The following VWDE variants were observed in gnomAD, a reference collection of about 807,000 sequenced individuals.
The protein encoded by VWDE is von Willebrand factor D and EGF domains, also known as von Willebrand factor D and EGF domain-containing protein.
VWDE carries 207 observed loss-of-function variants against 178.4 expected under a neutral mutation model. The ratio of observed to expected loss-of-function variants is 1.16; its 90% CI spans 1.04 to 1.30. The LOEUF (loss-of-function observed/expected upper bound fraction) is 1.30. Ranked by LOEUF, VWDE falls within the 50% of genes most tolerant of loss-of-function variation. The pLI, the probability that VWDE is intolerant of heterozygous loss-of-function variation, is 0.00. For synonymous variants in VWDE, 738 were observed against 651.4 expected (o/e 1.13, Z -2.02); for missense variants, 2,287 against 1,901.3 (o/e 1.20, Z -3.77).
At position 12,379,528 on chromosome 7, in the gene VWDE, A is replaced by C. The variant is rs546466231; in HGVS notation, c.828T>G (p.Pro276=). 33 of 1,550,820 alleles carry C rather than the reference A, an allele frequency of 2.1e-5. No individual in the cohort carries two copies. In the African/African-American group the frequency reaches 3.6e-4, roughly 17 times the overall value. The change falls in exon 6 of 29, where the codon CCT becomes CCG. Residue 276 remains proline, a synonymous_variant. Coordinates refer to ENST00000275358, the MANE Select transcript of VWDE (RefSeq NM_001135924.3). ...TTTCGATGGCTACACTTTGTACATG[A>C]GGATTCTCCAAGAAAAAGACAGAAG... The part of the protein sequence containing the change: ...CSASVFFLEN[P]HVQSVAIESQ...
Position 12,389,297 on chromosome 7 carries a change from G to A in VWDE, c.305C>T (p.Pro102Leu). The A allele has an allele frequency of 6.4e-7, 1 of 1,551,540 alleles. No homozygotes were observed. The change falls in exon 3 of 29, where the codon CCA (proline) becomes CTA (leucine). Residue 102 changes from proline to leucine, a missense_variant. Pro to Leu is a moderately conservative substitution (Grantham distance 98, BLOSUM62 -3). Transcript: ENST00000275358. ...CAATTGCTTGATCTCCCCAGGAGAT[G>A]GCAGTGTTTCTGAATCTCTCAGAGA... ...WLSLRDSETLPSPGEIKQLTA... is the reference protein window; with the variant it reads ...WLSLRDSETLLSPGEIKQLTA...
At chr7:12,345,469 C>T (rs73294398) in intron 19 of VWDE, among the ~76,000 whole-genome samples, 2,599 of 152,216 alleles carry the variant, frequency 0.017, 68 homozygotes, top group African/African-American at 0.059. Context: ...GCTTGGCACA[C>T]AGGAAACACC....
chr7:12,346,201 A>G (rs1471842743), intron 19 of VWDE, among the ~76,000 whole-genome samples: 2 of 152,158 alleles, frequency 1.3e-5, no homozygotes, highest in Admixed American at 1.3e-4. Context: ...TCAAAGTACA[A>G]TAATTTATTT....
intron 12 of VWDE, among the ~76,000 whole-genome samples, chr7:12,369,050 A>G (rs539908198): frequency 6.6e-6 from 1 of 152,324 alleles, no homozygotes; most frequent in African/African-American, 2.4e-5. Flanking sequence ...ACATATTAAG[A>G]GAAAATATAC....
Position 12,333,698 on chromosome 7 carries a change from T to A in VWDE, c.4655-130A>T, listed in dbSNP as rs1780858783. 5 of 634,272 alleles carry A rather than the reference T, an allele frequency of 7.9e-6. No individual in the cohort carries two copies. The Admixed American group carries it at 1.0e-4, about 13-fold the overall frequency. The allele number at this position is 634,272 out of a possible 1,614,324, so 39.3% of individuals were successfully genotyped here. A position where few individuals can be genotyped will look rare whatever the true frequency, so the allele number is the denominator to read the frequency against. ...GTCATAAGAATCTATTAATGAACCA[T>A]CAATGAATGGATCTAATCTATGTAC... On this transcript the variant is annotated intron_variant, in intron 27 of 28. Transcript: ENST00000275358.
rs1197644762 is a variant in VWDE, at chr7:12,373,004, A to G, written c.1560T>C (p.Ser520=). 1.3e-6 allele frequency: 2 copies of G among 1,551,128 alleles called. No individual in the cohort carries two copies. The highest frequency in any genetic ancestry group is 3.9e-5 in the Admixed American group (2 of 50,964). The change falls in exon 10 of 29, where the codon AGT becomes AGC. Residue 520 remains serine (S), a synonymous_variant. Coordinates refer to ENST00000275358, the MANE Select transcript of VWDE (RefSeq NM_001135924.3). ...TGACTTTTCTTCCTAAGTAAGATTCACTTATCTTGATATTCCTGGTTACAT... is the reference window on the plus strand; with the variant it reads ...TGACTTTTCTTCCTAAGTAAGATTCGCTTATCTTGATATTCCTGGTTACAT... ...SQDVTRNIKI[S]ESYLGRKVTI...
At position 12,356,278 on chromosome 7, in the gene VWDE, C is replaced by A; in HGVS notation, c.3578G>T (p.Arg1193Met). The A allele has an allele frequency of 6.4e-7, 1 of 1,551,558 alleles. No homozygotes were observed. The highest frequency in any genetic ancestry group is 8.7e-7 in the Non-Finnish European group (1 of 1,146,972). Residue 1193 changes from arginine (R) to methionine (M), a missense_variant, in exon 18 of 29, where the codon AGG becomes ATG. By Grantham distance (91) the Arg-to-Met change is moderately conservative (BLOSUM62 -1). Coordinates refer to ENST00000275358, the MANE Select transcript of VWDE (RefSeq NM_001135924.3). ...CACTCCACTCCCTGGAGAAAAGTTC[C>A]TATCAGATACACATGATCCACCATT... ...CLNGGSCVSD[R>M]NFSPGSGVYL...
chr7:12,366,538 T>C (rs530678299), intron 13 of VWDE, among the ~76,000 whole-genome samples: 1 of 152,276 alleles, frequency 6.6e-6, no homozygotes, highest in South Asian at 2.1e-4. Context: ...GGGATTAAAA[T>C]ATTTCATGAC....
intron 24 of VWDE, among the ~76,000 whole-genome samples, chr7:12,337,497 T>A (rs1781111103): frequency 6.6e-6 from 1 of 152,210 alleles, no homozygotes; most frequent in African/African-American, 2.4e-5. Context: ...GGTTAAGTGT[T>A]CATAACAAAT....
At chr7:12,367,274 T>C (rs947988519) in intron 13 of VWDE, 83 bp downstream of exon 13, 12 of 1,159,564 alleles carry the variant, frequency 1.0e-5, no homozygotes, top group Non-Finnish European at 1.2e-5. Flanking sequence ...ATGTTGCTAA[T>C]TGATAGACCG....
chr7:12,331,373 A>C (rs143107416), intron 28 of VWDE, among the ~76,000 whole-genome samples, 176 bp from the exon 29 acceptor site: 1,598 of 152,244 alleles, frequency 0.01, 19 homozygotes, highest in Non-Finnish European at 0.015. Context: ...ATCATACTTA[A>C]GGTCCAAGCT....
chr7:12,331,828 C>A (rs1254940926), intron 28 of VWDE, among the ~76,000 whole-genome samples: 1 of 152,118 alleles, frequency 6.6e-6, no homozygotes, highest in Non-Finnish European at 1.5e-5. Flanking sequence ...GGTTATGATG[C>A]TTCTCAAAGC....
At chr7:12,384,879 T>C (rs1249145854) in intron 3 of VWDE, among the ~76,000 whole-genome samples, 1 of 152,128 alleles carries the variant, frequency 6.6e-6, no homozygotes, top group Non-Finnish European at 1.5e-5. Flanking sequence ...GACACGAAGT[T>C]GGAAGCTTTA....
chr7:12,382,650 C>G (rs947220024), intron 4 of VWDE, among the ~76,000 whole-genome samples: 1 of 151,686 alleles, frequency 6.6e-6, no homozygotes, highest in African/African-American at 2.4e-5. Context: ...ATATAAAACA[C>G]CTCTGTTAAT....
In VWDE at chr7:12,367,145, G is replaced by C. The variant is rs372255215; in HGVS notation, c.2898+212C>G. ...TTTTTAATATAAGTGAAAACAGTGA[G>C]CCGATACTTCAATAAAAAGTTTATA... On this transcript the variant is annotated intron_variant, in intron 13 of 28. Transcript: ENST00000275358. 3.8e-4 allele frequency among the ~76,000 whole-genome samples: 58 copies of C among 152,050 alleles called. No individual in the cohort carries two copies. In the East Asian group the frequency reaches 9.9e-3, roughly 26 times the overall value.
In VWDE at chr7:12,344,486, G is replaced by A. The variant is rs1562466857; in HGVS notation, c.3887-17C>T. On this transcript the variant is annotated splice_polypyrimidine_tract_variant and intron_variant, in intron 19 of 28. Coordinates refer to ENST00000275358, the MANE Select transcript of VWDE (RefSeq NM_001135924.3). Reference sequence around the variant, plus strand: ...TACAAATGGCTAAAAAAAAATCAAAGAAAAAAAGGTTGATTGCTAAAACAG... The same window carrying A: ...TACAAATGGCTAAAAAAAAATCAAAAAAAAAAAGGTTGATTGCTAAAACAG... 4 of 1,532,316 alleles carry A rather than the reference G, an allele frequency of 2.6e-6. No individual in the cohort carries two copies. Among genetic ancestry groups the A allele is most frequent in the Admixed American group, 4.1e-5 (2 of 48,640 alleles). The allele number at this position is 1,532,316 out of a possible 1,614,324, so 94.9% of individuals were successfully genotyped here.
At chr7:12,367,829 G>A (rs1005890567) in intron 12 of VWDE, among the ~76,000 whole-genome samples, 1 of 152,068 alleles carries the variant, frequency 6.6e-6, no homozygotes, top group Non-Finnish European at 1.5e-5. Context: ...ATTTTGGCTT[G>A]TGCCATATAG....
chr7:12,336,551 C>T (rs949953527), intron 26 of VWDE, among the ~76,000 whole-genome samples: 2 of 152,012 alleles, frequency 1.3e-5, no homozygotes, highest in African/African-American at 4.8e-5. Context: ...TAATTTAAAA[C>T]AATTTATAGA....
intron 2 of VWDE, 56 bp from the exon 3 acceptor site, chr7:12,389,414 G>A: frequency 7.9e-7 from 1 of 1,270,518 alleles, no homozygotes; most frequent in Non-Finnish European, 1.1e-6. Flanking sequence ...ATCCATTGTA[G>A]ATATATCAAC....
Sources: allele counts gnomAD v4.1 joint callset (sites outside exome capture counted in the v4.1 genomes callset), GRCh38; gene constraint gnomAD v4.1.1; transcripts MANE v1.5; gene names NCBI Gene and HGNC (gene_info 2026-07-23, HGNC 2026-07-21).